Variants in PDXDC1 observed in about 807,000 individuals in gnomAD.
The protein encoded by PDXDC1 is pyridoxal dependent decarboxylase domain containing 1.
A neutral mutation model predicts 100.1 loss-of-function variants in PDXDC1; 42 were observed. The ratio of observed to expected loss-of-function variants is 0.42; its 90% CI spans 0.33 to 0.54. The LOEUF is 0.54. Ranked by LOEUF, PDXDC1 falls within the 20% of genes least tolerant of loss-of-function variation. The probability of loss-of-function intolerance (pLI) is 0.10; values close to 1 mark genes in which losing one functional copy is unlikely to be tolerated. For missense variants in PDXDC1, 636 were observed against 979.2 expected (o/e 0.65, Z 4.68); for synonymous variants, 260 against 371.7 (o/e 0.70, Z 3.46).
At position 15,004,335 on chromosome 16, in the gene PDXDC1, T is replaced by C. The variant is rs778615052; in HGVS notation, c.389+2T>C. 8 of 1,613,784 alleles carry C rather than the reference T, an allele frequency of 5.0e-6. No homozygotes were observed. The South Asian group carries it at 6.6e-5, about 13-fold the overall frequency. On this transcript the variant is annotated splice_donor_variant, in intron 5 of 22. Coordinates refer to ENST00000396410, the MANE Select transcript of PDXDC1 (RefSeq NM_015027.4). LOFTEE classifies it high-confidence loss of function. Reference sequence around the variant, plus strand: ...CTTATGGCTATGCAGAATTTTCAGGTAAAGACATGATGAGTTTCCAGTGAA... The same window carrying C: ...CTTATGGCTATGCAGAATTTTCAGGCAAAGACATGATGAGTTTCCAGTGAA...
chr16:15,034,422 G>C (rs1281596996), intron 20 of PDXDC1, 35 bp from the exon 21 acceptor site: 1 of 1,613,074 alleles, frequency 6.2e-7, no homozygotes. Flanking sequence ...CCGCCGTGAG[G>C]CCAGGTGGCC....
At chr16:15,079,087 T>A (rs974997703) in intron 16 of PDXDC1, among the ~76,000 whole-genome samples, 1 of 152,024 alleles carries the variant, frequency 6.6e-6, no homozygotes, top group East Asian at 1.9e-4. Flanking sequence ...TGGGATTACA[T>A]GCGTGAGCCA....
chr16:14,993,146 T>C (rs1486503491), intron 1 of PDXDC1, among the ~76,000 whole-genome samples: 1 of 152,284 alleles, frequency 6.6e-6, no homozygotes, highest in Non-Finnish European at 1.5e-5. Flanking sequence ...TTTTTTTTAA[T>C]TTTTTAAAAT....
chr16:15,130,405 G>C (rs567136959), intron 16 of PDXDC1: 2 of 1,563,470 alleles, frequency 1.3e-6, no homozygotes, highest in Non-Finnish European at 1.7e-6. Flanking sequence ...GCCGACAGGC[G>C]GAAGTGGCTG....
At chr16:15,072,889 G>C in intron 16 of PDXDC1, 2 of 1,576,198 alleles carry the variant, frequency 1.3e-6, no homozygotes, top group Non-Finnish European at 1.7e-6. Flanking sequence ...CCAGTTTTTA[G>C]GGAAAATTTT....
At chr16:15,039,700 A>T (rs761119442), downstream of PDXDC1, among the ~76,000 whole-genome samples, 6 of 152,142 alleles carry the variant, frequency 3.9e-5, no homozygotes, top group Non-Finnish European at 5.9e-5. Context: ...AAGTAACAGA[A>T]GTTTGTTCTC....
chr16:15,134,927 G>C (rs2048278294), intron 16 of PDXDC1: 2 of 380,568 alleles, frequency 5.3e-6, no homozygotes, highest in Non-Finnish European at 5.0e-6. Context: ...GGCCGGTCCA[G>C]AGTGGGGAGC....
intron 16 of PDXDC1, among the ~76,000 whole-genome samples, chr16:15,069,459 A>G (rs2045128083): frequency 6.6e-6 from 1 of 152,226 alleles, no homozygotes; most frequent in African/African-American, 2.4e-5. Context: ...CTTCAACTAA[A>G]ATACACTAAT....
chr16:15,149,095 G>A, the PDXDC1 span, among the ~76,000 whole-genome samples: 9 of 152,140 alleles, frequency 5.9e-5, no homozygotes, highest in African/African-American at 2.2e-4. Context: ...GCCTCCGCTC[G>A]GCTGCCAGGG....
At chr16:15,026,484 A>G in intron 13 of PDXDC1, 159 bp from the exon 14 acceptor site, 3 of 659,834 alleles carry the variant, frequency 4.5e-6, no homozygotes, top group South Asian at 4.1e-5. Flanking sequence ...TTTACTAAAC[A>G]TTTGATTTTT....
chr16:15,000,832 C>T (rs1356402870), intron 3 of PDXDC1, among the ~76,000 whole-genome samples: 9 of 151,080 alleles, frequency 6.0e-5, no homozygotes, highest in African/African-American at 2.2e-4. Context: ...ATTAGATATA[C>T]CAGTGGCATT....
rs765411581 is a variant in PDXDC1, at chr16:15,033,419, G to A, written c.1812+20G>A. The A allele has an allele frequency of 3.1e-6, 5 of 1,611,416 alleles. No individual in the cohort carries two copies. In the East Asian group the frequency reaches 8.9e-5, roughly 29 times the overall value. On this transcript the variant is annotated intron_variant, in intron 19 of 22. Transcript: ENST00000396410. The stretch of plus-strand genomic sequence containing the variant: ...TCGAGGGTCCGTAGCACCCATCAGT[G>A]TTCATTCCTCTTCTGAGTTTTGTCC...
At chr16:15,070,874 A>C (rs1328763429) in intron 16 of PDXDC1, among the ~76,000 whole-genome samples, 2 of 152,200 alleles carry the variant, frequency 1.3e-5, no homozygotes, top group Non-Finnish European at 2.9e-5. Flanking sequence ...TATCCACAAA[A>C]CAAATGGATC....
chr16:15,148,620 GC>G, the PDXDC1 span, among the ~76,000 whole-genome samples: 6 of 151,458 alleles, frequency 4.0e-5, no homozygotes, highest in African/African-American at 1.2e-4. Context: ...CTGGGCTCAA[GC>G]GATCCACCCA....
Position 15,086,887 on chromosome 16 carries a change from T to C in PDXDC1, c.1400-51992T>C, listed in dbSNP as rs185522030. On this transcript the variant is annotated intron_variant, in intron 16 of 16. Coordinates refer to the PDXDC1 transcript ENST00000535621. ...TAAAACTCAGTCGAGGCTGATCAAT[T>C]GGGGTCATGAATAAACATAACTTTT... Among the ~76,000 whole-genome samples the C allele has an allele frequency of 2.9e-3, 448 of 152,310 alleles. 2 individuals carry two copies. The highest frequency in any genetic ancestry group is 0.01 in the African/African-American group (423 of 41,570).
chr16:15,130,508 C>T lies in PDXDC1; in HGVS notation c.1400-8371C>T, dbSNP rs1428302880. On this transcript the variant is annotated intron_variant, in intron 16 of 16. Transcript: ENST00000535621. ...GCCCAGGCTCCGCCAGGTTGGATAT[C>T]GGAGTCCCAGAGCCCATACCCGGTC... The T allele has an allele frequency of 1.3e-5, 17 of 1,351,328 alleles. 1 individual carries two copies. The highest frequency in any genetic ancestry group is 1.1e-4 in the South Asian group (9 of 85,288). 83.7% of individuals were successfully genotyped at this position (1,351,328 alleles called of 1,614,324 possible).
intron 17 of PDXDC1, 181 bp downstream of exon 17, chr16:15,032,087 G>C: frequency 3.3e-6 from 2 of 606,758 alleles, no homozygotes; most frequent in Non-Finnish European, 5.8e-6. Flanking sequence ...AATTTGGCCA[G>C]CGTGGCGCTC....
intron 1 of PDXDC1, among the ~76,000 whole-genome samples, chr16:14,996,067 C>T (rs1467485753): frequency 2.6e-5 from 4 of 152,260 alleles, no homozygotes; most frequent in Non-Finnish European, 5.9e-5. Context: ...CAAAACAGAG[C>T]TGATCTGCTA....
At chr16:15,146,009 C>A in the PDXDC1 span, among the ~76,000 whole-genome samples, 3 of 152,210 alleles carry the variant, frequency 2.0e-5, no homozygotes, top group African/African-American at 4.8e-5. Flanking sequence ...GAGAGGCACC[C>A]CAAGGTGGGG....
Sources: allele counts gnomAD v4.1 joint callset (sites outside exome capture counted in the v4.1 genomes callset), GRCh38; gene constraint gnomAD v4.1.1; transcripts MANE v1.5; gene names NCBI Gene and HGNC (gene_info 2026-07-23, HGNC 2026-07-21).